The following CHRM3 variants were observed in gnomAD, a reference collection of about 807,000 sequenced individuals.
The protein encoded by CHRM3 is cholinergic receptor muscarinic 3, also known as muscarinic acetylcholine receptor M3.
Under a neutral mutation model 41.8 loss-of-function variants are expected in CHRM3, and 11 were observed. That is an observed-to-expected ratio of 0.26 (90% CI 0.17 to 0.44). The LOEUF is 0.44. CHRM3 is among the 20% of genes least tolerant of loss of function. The pLI, the probability that CHRM3 is intolerant of heterozygous loss-of-function variation, is 1.00. For missense variants in CHRM3, 571 were observed against 745.4 expected (o/e 0.77, Z 2.72); for synonymous variants, 297 against 301.4 (o/e 0.99, Z 0.15).
At chr1:239,648,143 A>G (rs971604370) in intron 4 of CHRM3, among the ~76,000 whole-genome samples, 1 of 152,174 alleles carries the variant, frequency 6.6e-6, no homozygotes, top group Admixed American at 6.5e-5. Flanking sequence ...ACCCTGAAAG[A>G]AAGATTCTCT....
chr1:239,653,650 T>C (rs1239955074), intron 4 of CHRM3, among the ~76,000 whole-genome samples: 3 of 152,186 alleles, frequency 2.0e-5, no homozygotes, highest in African/African-American at 4.8e-5. Context: ...GCCGTTTACC[T>C]TATCCAGTAG....
At chr1:239,889,256 A>G (rs528154754) in intron 6 of CHRM3, among the ~76,000 whole-genome samples, 1 of 152,266 alleles carries the variant, frequency 6.6e-6, no homozygotes, top group African/African-American at 2.4e-5. Context: ...CCATTTGCTT[A>G]GGGCACGAAA....
At chr1:239,760,503 T>C (rs1332634576) in intron 5 of CHRM3, among the ~76,000 whole-genome samples, 1 of 152,164 alleles carries the variant, frequency 6.6e-6, no homozygotes, top group East Asian at 1.9e-4. Flanking sequence ...TGGTCTTCTT[T>C]TCTTATCTAT....
Position 239,404,410 on chromosome 1 carries a change from A to AAGAAAGAG in CHRM3, c.-521+17184_-521+17185insGAAAGAGA, listed in dbSNP as rs1210507333. On this transcript the variant is annotated intron_variant, in intron 1 of 6. Coordinates refer to ENST00000676153, the MANE Select transcript of CHRM3 (RefSeq NM_001375978.1). ...AAAGAAAGAAAGAAAGAAAGAAAGA[A>AAGAAAGAG]AAAGAAAGAAAGAAAGAAAGAAAGA... is the stretch of plus-strand genomic sequence containing the variant. Among the ~76,000 whole-genome samples, 430 of 51,756 alleles carry AAGAAAGAG rather than the reference A, an allele frequency of 8.3e-3. 11 individuals carry two copies. Among genetic ancestry groups the AAGAAAGAG allele is most frequent in the East Asian group, 0.031 (39 of 1,268 alleles). The allele number at this position is 51,756 out of a possible 152,430, so 34.0% of individuals were successfully genotyped here. A position where few individuals can be genotyped will look rare whatever the true frequency, so the allele number is the denominator to read the frequency against.
At chr1:239,391,008 T>C (rs1658986056) in intron 1 of CHRM3, among the ~76,000 whole-genome samples, 1 of 152,094 alleles carries the variant, frequency 6.6e-6, no homozygotes, top group Non-Finnish European at 1.5e-5. Context: ...CATGGTGGCG[T>C]GCACCTGTAT....
chr1:239,419,307 T>G (rs1661745582), intron 1 of CHRM3, among the ~76,000 whole-genome samples: 1 of 152,198 alleles, frequency 6.6e-6, no homozygotes, highest in African/African-American at 2.4e-5. Flanking sequence ...AAGAGGGTTT[T>G]TATAAGTACA....
At chr1:239,890,458 C>T (rs915032609) in intron 6 of CHRM3, among the ~76,000 whole-genome samples, 1 of 152,086 alleles carries the variant, frequency 6.6e-6, no homozygotes, top group Non-Finnish European at 1.5e-5. Context: ...AAGCAAGTTT[C>T]CTCTTAATCC....
chr1:239,881,913 T>C lies in CHRM3; in HGVS notation c.-19-25520T>C, dbSNP rs569622788. ...TCATTACCTTCAATGTATTCTTTTT[T>C]GTTTTTTTTGAGATGGAGTCTCGCT... On this transcript the variant is annotated intron_variant, in intron 6 of 6. Coordinates refer to ENST00000676153, the MANE Select transcript of CHRM3 (RefSeq NM_001375978.1). 2.0e-5 allele frequency among the ~76,000 whole-genome samples: 3 copies of C among 152,274 alleles called. No individual in the cohort carries two copies. In the South Asian group the frequency reaches 6.2e-4, roughly 32 times the overall value.
intron 3 of CHRM3, among the ~76,000 whole-genome samples, chr1:239,607,275 G>T (rs1361839762): frequency 6.6e-6 from 1 of 152,082 alleles, no homozygotes; most frequent in African/African-American, 2.4e-5. Flanking sequence ...TAAGATTGTT[G>T]TGAGAAATGA....
chr1:239,611,720 C>A (rs1223332007), intron 3 of CHRM3, among the ~76,000 whole-genome samples: 2 of 152,016 alleles, frequency 1.3e-5, no homozygotes, highest in Non-Finnish European at 2.9e-5. Context: ...CACCCAGCCG[C>A]AAGTGACATG....
At chr1:239,571,848 C>A (rs1661856982) in intron 3 of CHRM3, among the ~76,000 whole-genome samples, 1 of 152,138 alleles carries the variant, frequency 6.6e-6, no homozygotes. Flanking sequence ...GATGTGTGGG[C>A]ATTTTCTTTT....
At chr1:239,415,825 A>C (rs1661450801) in intron 1 of CHRM3, among the ~76,000 whole-genome samples, 1 of 152,220 alleles carries the variant, frequency 6.6e-6, no homozygotes, top group South Asian at 2.1e-4. Context: ...CACTGAGGAT[A>C]ATGTTCTCTA....
chr1:239,669,035 A>G (rs994180612), intron 4 of CHRM3, among the ~76,000 whole-genome samples: 1 of 152,118 alleles, frequency 6.6e-6, no homozygotes, highest in Admixed American at 6.5e-5. Context: ...CTTCATCCTG[A>G]GCTTCCATCT....
At chr1:239,459,671 G>A (rs12048639) in intron 1 of CHRM3, among the ~76,000 whole-genome samples, 32,126 of 151,990 alleles carry the variant, frequency 0.21, 4,062 homozygotes, top group Middle Eastern at 0.35. Flanking sequence ...TGACAGGATG[G>A]GTAGTTCTCT....
intron 2 of CHRM3, among the ~76,000 whole-genome samples, chr1:239,525,264 G>A (rs1669916501): frequency 6.6e-6 from 1 of 152,142 alleles, no homozygotes. Context: ...CTGGAGTCTA[G>A]GAGGCTGAGG....
intron 5 of CHRM3, among the ~76,000 whole-genome samples, chr1:239,710,021 T>G (rs1010445400): frequency 1.3e-5 from 2 of 152,218 alleles, no homozygotes; most frequent in Non-Finnish European, 2.9e-5. Flanking sequence ...GGAAGGACAC[T>G]GATTGTGATG....
At chr1:239,484,093 T>C (rs184327047) in intron 1 of CHRM3, among the ~76,000 whole-genome samples, 77 of 151,962 alleles carry the variant, frequency 5.1e-4, no homozygotes, top group African/African-American at 1.8e-3. Flanking sequence ...ATGTATTCGT[T>C]CTTTCTTGTG....
intron 3 of CHRM3, among the ~76,000 whole-genome samples, chr1:239,568,695 C>G (rs1321444975): frequency 6.6e-6 from 1 of 152,002 alleles, no homozygotes; most frequent in East Asian, 1.9e-4. Flanking sequence ...TCAGCCTCCT[C>G]TGCTCTTTTT....
chr1:239,544,565 A>T (rs533647228), intron 2 of CHRM3, among the ~76,000 whole-genome samples: 4 of 152,314 alleles, frequency 2.6e-5, no homozygotes, highest in African/African-American at 9.6e-5. Flanking sequence ...CAGAAAGATA[A>T]CTTTGGCAAG....
Sources: gnomAD v4.1 joint callset for allele counts (sites outside exome capture counted in the v4.1 genomes callset) on GRCh38, gnomAD v4.1.1 for gene constraint, MANE v1.5 for transcripts, NCBI Gene and HGNC (gene_info 2026-07-23, HGNC 2026-07-21) for gene names.